Variants in CFAP299 observed in about 807,000 individuals in gnomAD.
CFAP299 encodes the protein cilia- and flagella-associated protein 299.
CFAP299 carries 21 observed loss-of-function variants against 27.0 expected under a neutral mutation model. The ratio of observed to expected loss-of-function variants is 0.78; its 90% confidence interval spans 0.55 to 1.12. CFAP299 has a LOEUF of 1.12. Among genes scored for constraint, CFAP299 ranks in the 50% most tolerant of loss-of-function variants. The pLI, the probability that CFAP299 is intolerant of heterozygous loss-of-function variation, is 0.00. For missense variants in CFAP299, 310 were observed against 276.6 expected, an observed-to-expected ratio of 1.12 and a Z score of -0.86; for synonymous variants, 104 against 98.1, an observed-to-expected ratio of 1.06 and a Z score of -0.36.
In CFAP299 at chr4:80,750,769, C is replaced by T. The variant is rs575358052; in HGVS notation, c.334-119224C>T. Among the ~76,000 whole-genome samples, 6 of 152,232 alleles carry T rather than the reference C, an allele frequency of 3.9e-5. No homozygotes were observed. The South Asian group carries it at 1.2e-3, about 32-fold the overall frequency. Reference sequence around the variant, plus strand: ...GTGAGACTCTACTTAAATTATTCTTCAAGAAAGACAAAATCATAAAGCATG... The same window carrying T: ...GTGAGACTCTACTTAAATTATTCTTTAAGAAAGACAAAATCATAAAGCATG... On this transcript the variant is annotated intron_variant, in intron 3 of 5. Coordinates refer to ENST00000358105, the MANE Select transcript of CFAP299 (RefSeq NM_152770.3).
chr4:80,800,746 A>AGT lies in CFAP299; in HGVS notation c.334-69226_334-69225dup, dbSNP rs57119258. Among the ~76,000 whole-genome samples, 23 of 116,196 alleles carry AGT rather than the reference A, an allele frequency of 2.0e-4. 1 individual carries two copies. Among genetic ancestry groups the AGT allele is most frequent in the South Asian group, 1.5e-3 (6 of 4,086 alleles). The allele number at this position is 116,196 out of a possible 152,430, so 76.2% of individuals were successfully genotyped here. On this transcript the variant is annotated intron_variant, in intron 3 of 5. Coordinates refer to ENST00000358105, the MANE Select transcript of CFAP299 (RefSeq NM_152770.3). Reference sequence around the variant, plus strand: ...TCCATATGTGTATATATATATAATCAGTGTGTGTGTGTGTGTGTGTGTATA... The same window carrying AGT: ...TCCATATGTGTATATATATATAATCAGTGTGTGTGTGTGTGTGTGTGTGTATA...
chr4:80,519,267 C>A (rs2110172673), intron 2 of CFAP299, among the ~76,000 whole-genome samples: 1 of 152,122 alleles, frequency 6.6e-6, no homozygotes. Flanking sequence ...AGTGCAGTGG[C>A]ACGATCTTGG....
At chr4:80,959,146 T>C (rs1006309406) in intron 5 of CFAP299, among the ~76,000 whole-genome samples, 4 of 152,104 alleles carry the variant, frequency 2.6e-5, no homozygotes, top group African/African-American at 9.7e-5. Flanking sequence ...TCTCTAAGGA[T>C]AGTGATTAAA....
At chr4:80,554,493 C>G (rs114649475) in intron 2 of CFAP299, among the ~76,000 whole-genome samples, 1 of 140,114 alleles carries the variant, frequency 7.1e-6, no homozygotes, top group Non-Finnish European at 1.5e-5. Context: ...AGTCTATATA[C>G]GTTTTCCACT....
intron 3 of CFAP299, among the ~76,000 whole-genome samples, chr4:80,626,662 G>A (rs1246605969): frequency 2.0e-5 from 3 of 151,402 alleles, no homozygotes; most frequent in Admixed American, 1.3e-4. Context: ...GTAAAATGAA[G>A]AACAGGAAAA....
chr4:80,730,805 G>T (rs1723477472), intron 3 of CFAP299, among the ~76,000 whole-genome samples: 1 of 152,212 alleles, frequency 6.6e-6, no homozygotes, highest in African/African-American at 2.4e-5. Flanking sequence ...CAACCACTGT[G>T]CCTCTTTGCA....
At chr4:80,326,792 A>G in the CFAP299 span, among the ~76,000 whole-genome samples, 1 of 152,216 alleles carries the variant, frequency 6.6e-6, no homozygotes, top group Non-Finnish European at 1.5e-5. Flanking sequence ...TAAAAATATC[A>G]AATGATTAAT....
chr4:80,910,042 C>T (rs955008675), intron 4 of CFAP299, among the ~76,000 whole-genome samples: 2 of 152,082 alleles, frequency 1.3e-5, no homozygotes, highest in African/African-American at 4.8e-5. Flanking sequence ...AGGTTTAGAA[C>T]AGCTGAATAT....
chr4:80,496,169 C>T (rs1731429875), intron 2 of CFAP299, among the ~76,000 whole-genome samples: 1 of 152,208 alleles, frequency 6.6e-6, no homozygotes, highest in Admixed American at 6.5e-5. Context: ...GTTTCTTTCT[C>T]TACCACATGG....
intron 3 of CFAP299, among the ~76,000 whole-genome samples, chr4:80,665,988 T>C (rs764899298): frequency 3.2e-4 from 48 of 152,188 alleles, no homozygotes; most frequent in Non-Finnish European, 6.3e-4. Flanking sequence ...GAAACCACTA[T>C]GCTTTCTGTA....
chr4:80,935,314 T>C (rs1342795635), intron 4 of CFAP299, among the ~76,000 whole-genome samples: 4 of 151,982 alleles, frequency 2.6e-5, no homozygotes, highest in Admixed American at 2.6e-4. Context: ...TTCAAACTAC[T>C]CTACAAGGCT....
At chr4:80,683,211 T>G (rs1403628834) in intron 3 of CFAP299, among the ~76,000 whole-genome samples, 3 of 152,192 alleles carry the variant, frequency 2.0e-5, no homozygotes, top group Non-Finnish European at 4.4e-5. Flanking sequence ...TTATAAATAA[T>G]TATTGATTTG....
intron 2 of CFAP299, among the ~76,000 whole-genome samples, chr4:80,423,971 A>G (rs1284379810): frequency 6.6e-6 from 1 of 152,184 alleles, no homozygotes; most frequent in African/African-American, 2.4e-5. Context: ...ACCTTTCTGC[A>G]GGTGGTCCTT....
At chr4:80,704,563 A>C (rs1721710398) in intron 3 of CFAP299, among the ~76,000 whole-genome samples, 1 of 151,824 alleles carries the variant, frequency 6.6e-6, no homozygotes, top group Non-Finnish European at 1.5e-5. Context: ...TTTTACAGTT[A>C]CTTTATGGTT....
chr4:80,633,420 A>G (rs371451866), intron 3 of CFAP299, among the ~76,000 whole-genome samples: 17 of 152,222 alleles, frequency 1.1e-4, no homozygotes, highest in African/African-American at 4.1e-4. Flanking sequence ...CGCCACTGCA[A>G]TCCAGCCTGG....
intron 3 of CFAP299, among the ~76,000 whole-genome samples, chr4:80,686,130 G>GA (rs77144393): frequency 2.6e-4 from 39 of 147,730 alleles, no homozygotes; most frequent in South Asian, 1.7e-3. Flanking sequence ...GAACTTTAAT[G>GA]AAAAAAAAAA....
intron 2 of CFAP299, among the ~76,000 whole-genome samples, chr4:80,405,138 T>C (rs993975122): frequency 3.3e-5 from 5 of 152,182 alleles, no homozygotes; most frequent in Non-Finnish European, 7.4e-5. Flanking sequence ...AATATGGATC[T>C]CATTTCTTTG....
At chr4:80,946,516 A>T (rs1394656168) in intron 5 of CFAP299, among the ~76,000 whole-genome samples, 1 of 152,240 alleles carries the variant, frequency 6.6e-6, no homozygotes, top group Non-Finnish European at 1.5e-5. Flanking sequence ...GATTAGCTAC[A>T]TGCAAAGCTG....
intron 2 of CFAP299, among the ~76,000 whole-genome samples, chr4:80,524,039 A>G (rs1487049782): frequency 6.6e-6 from 1 of 152,164 alleles, no homozygotes; most frequent in African/African-American, 2.4e-5. Context: ...GAAACAAATT[A>G]GTAAATGAGA....
Sources: gnomAD v4.1 joint callset for allele counts (sites outside exome capture counted in the v4.1 genomes callset) on GRCh38, gnomAD v4.1.1 for gene constraint, MANE v1.5 for transcripts, NCBI Gene and HGNC (gene_info 2026-07-23, HGNC 2026-07-21) for gene names.